Variants in CHL1 observed in about 807,000 individuals in gnomAD.
CHL1 encodes the protein cell adhesion molecule L1 like, also known as neural cell adhesion molecule L1-like protein.
CHL1 carries 96 observed loss-of-function variants against 141.9 expected under a neutral mutation model. The observed-to-expected ratio is 0.68, with a 90% CI of 0.57 to 0.80. The LOEUF is 0.80. Among genes scored for constraint, CHL1 ranks in the 30% least tolerant of loss-of-function variants. CHL1 has a pLI of 0.00. For missense variants in CHL1, 1,820 were observed against 1,457.2 expected (o/e 1.25, Z -4.05); for synonymous variants, 613 against 502.2 (o/e 1.22, Z -2.95).
chr3:242,520 A>C (rs373762998), intron 1 of CHL1, among the ~76,000 whole-genome samples: 271 of 152,004 alleles, frequency 1.8e-3, no homozygotes, highest in South Asian at 3.7e-3. Flanking sequence ...GGCTTGAACC[A>C]GGGAGGCAGA....
chr3:220,295 A>G (rs2088598), intron 1 of CHL1, among the ~76,000 whole-genome samples: 5,864 of 152,220 alleles, frequency 0.039, 354 homozygotes, highest in African/African-American at 0.13. Context: ...TAAACCTTCA[A>G]TGATCTGATT....
At chr3:360,527 G>GA (rs774429914) in intron 12 of CHL1, 103 bp downstream of exon 12, 9 of 1,156,498 alleles carry the variant, frequency 7.8e-6, no homozygotes, top group Non-Finnish European at 1.1e-5. Flanking sequence ...TATATGGAGG[G>GA]AAAAATCAAA....
rs1701159040 is a variant in CHL1 at position 328,222 on chromosome 3, C to T, written c.253C>T (p.Pro85Ser). 6.2e-7 allele frequency: 1 copy of T among 1,611,648 alleles called. No individual in the cohort carries two copies. Residue 85 changes from proline to serine, a missense_variant, in exon 5 of 28, where the codon CCA becomes TCA. By Grantham distance (74) the Pro-to-Ser change is moderately conservative. Transcript: ENST00000256509. ...PFYFTDHRII[P>S]SNNSGTFRIP... ...TTATTTCACTGACCATCGGATAATTCCATCGAACAATTCAGGAACATTCAG... is the reference window on the plus strand; with the variant it reads ...TTATTTCACTGACCATCGGATAATTTCATCGAACAATTCAGGAACATTCAG...
At chr3:375,650 G>A (rs1038465368) in intron 15 of CHL1, among the ~76,000 whole-genome samples, 1 of 151,926 alleles carries the variant, frequency 6.6e-6, no homozygotes, top group Non-Finnish European at 1.5e-5. Flanking sequence ...AAATCAACTT[G>A]ATTAATATTA....
chr3:226,374 T>TTATATATATA lies in CHL1; in HGVS notation c.-174-18236_-174-18227dup, dbSNP rs56305108. Among the ~76,000 whole-genome samples the TTATATATATA allele has an allele frequency of 4.5e-4, 65 of 144,296 alleles. 1 individual carries two copies. Among genetic ancestry groups the TTATATATATA allele is most frequent in the Middle Eastern group, 3.6e-3 (1 of 276 alleles). 94.7% of individuals were successfully genotyped at this position (144,296 alleles called of 152,430 possible). A position where few individuals can be genotyped will look rare whatever the true frequency, so the allele number is the denominator to read the frequency against. On this transcript the variant is annotated intron_variant, in intron 1 of 27. Coordinates refer to ENST00000256509, the MANE Select transcript of CHL1 (RefSeq NM_006614.4). ...ATTATATATTATATAATAGAATATT[T>TTATATATATA]TATATATATATACTTATATATTATA...
intron 17 of CHL1, 41 bp from the exon 18 acceptor site, chr3:382,433 C>A (rs371224106): frequency 1.9e-6 from 3 of 1,547,850 alleles, no homozygotes; most frequent in Non-Finnish European, 2.7e-6. Context: ...CTTATCCATA[C>A]TCCATACATT....
chr3:200,047 G>C (rs913225756), intron 1 of CHL1, among the ~76,000 whole-genome samples: 14 of 152,092 alleles, frequency 9.2e-5, no homozygotes, highest in Non-Finnish European at 1.8e-4. Context: ...TCTTTAAAAG[G>C]TACCTTGAGG....
rs529777680 is a variant in CHL1 at position 235,486 on chromosome 3, C to T, written c.-174-9127C>T. ...GTAGTTAGCCCTGTATAAATGTATC[C>T]CATTATCATTACCAAAGAAGCTTGA... On this transcript the variant is annotated intron_variant, in intron 1 of 27. Transcript: ENST00000256509. 4.6e-5 allele frequency among the ~76,000 whole-genome samples: 7 copies of T among 152,156 alleles called. No individual in the cohort carries two copies. In the East Asian group the frequency reaches 1.4e-3, roughly 29 times the overall value.
At chr3:324,058 T>C (rs1248979916) in intron 3 of CHL1, among the ~76,000 whole-genome samples, 1 of 152,134 alleles carries the variant, frequency 6.6e-6, no homozygotes, top group Non-Finnish European at 1.5e-5. Flanking sequence ...TTATAGTAAA[T>C]ATTGTTAGCT....
Position 383,826 on chromosome 3 carries a change from G to C in CHL1, c.2187G>C (p.Arg729Ser), listed in dbSNP as rs777078645. Reference sequence around the variant, plus strand: ...TTTTTAATTTTTCAGCTCCAGATAGGAATCCACAAAACATAAGGGTTCAAG... The same window carrying C: ...TTTTTAATTTTTCAGCTCCAGATAGCAATCCACAAAACATAAGGGTTCAAG... ...HHETPPAAPD[R>S]NPQNIRVQAS... The change falls in exon 19 of 28, where the codon AGG becomes AGC. Residue 729 changes from arginine (R) to serine (S), a missense_variant. Coordinates refer to ENST00000256509, the MANE Select transcript of CHL1 (RefSeq NM_006614.4). 1 of 1,609,226 alleles carries C rather than the reference G, an allele frequency of 6.2e-7. No individual in the cohort carries two copies. Among genetic ancestry groups the C allele is most frequent in the African/African-American group, 1.3e-5 (1 of 74,792 alleles).
intron 2 of CHL1, among the ~76,000 whole-genome samples, chr3:268,773 G>A (rs540912932): frequency 7.2e-5 from 11 of 152,092 alleles, no homozygotes; most frequent in South Asian, 2.1e-4. Flanking sequence ...AAGAATCTTC[G>A]GAATTATTTA....
intron 2 of CHL1, among the ~76,000 whole-genome samples, chr3:265,167 C>G (rs1478730483): frequency 6.6e-6 from 1 of 152,118 alleles, no homozygotes; most frequent in African/African-American, 2.4e-5. Context: ...AGAGAGGGTT[C>G]CAGAGACAAA....
intron 2 of CHL1, among the ~76,000 whole-genome samples, chr3:254,478 C>G (rs1442812678): frequency 6.6e-6 from 1 of 152,096 alleles, no homozygotes; most frequent in Non-Finnish European, 1.5e-5. Flanking sequence ...TTTCTAGGGT[C>G]TTAAAGATAG....
At chr3:241,304 C>A (rs1254473467) in intron 1 of CHL1, among the ~76,000 whole-genome samples, 1 of 152,190 alleles carries the variant, frequency 6.6e-6, no homozygotes, top group Non-Finnish European at 1.5e-5. Flanking sequence ...TCCAGCATGG[C>A]AAGCAATCAC....
chr3:364,267 A>G (rs1704590069), intron 14 of CHL1, among the ~76,000 whole-genome samples: 1 of 152,056 alleles, frequency 6.6e-6, no homozygotes. Flanking sequence ...CACAGACTAT[A>G]TTTTTAAAGC....
intron 11 of CHL1, among the ~76,000 whole-genome samples, chr3:357,044 T>C (rs1703784518): frequency 6.6e-6 from 1 of 152,354 alleles, no homozygotes; most frequent in Non-Finnish European, 1.5e-5. Context: ...GGTTGGCTTC[T>C]GGATTTATTT....
intron 2 of CHL1, among the ~76,000 whole-genome samples, chr3:245,162 T>G (rs1456246363): frequency 6.6e-6 from 1 of 152,174 alleles, no homozygotes; most frequent in Non-Finnish European, 1.5e-5. Flanking sequence ...TTCCTTGAAT[T>G]TGAATCCGTT....
At chr3:341,183 A>C (rs780880308) in intron 6 of CHL1, among the ~76,000 whole-genome samples, 1 of 152,134 alleles carries the variant, frequency 6.6e-6, no homozygotes, top group Non-Finnish European at 1.5e-5. Context: ...TTTCTATTTT[A>C]GTAATGCTCT....
At chr3:295,680 A>C (rs1391224846) in intron 2 of CHL1, among the ~76,000 whole-genome samples, 7 of 152,182 alleles carry the variant, frequency 4.6e-5, no homozygotes, top group Non-Finnish European at 7.3e-5. Context: ...TGGATATGTA[A>C]TTTGAATGGG....
Sources: allele counts gnomAD v4.1 joint callset (sites outside exome capture counted in the v4.1 genomes callset), GRCh38; gene constraint gnomAD v4.1.1; transcripts MANE v1.5; gene names NCBI Gene and HGNC (gene_info 2026-07-23, HGNC 2026-07-21).